Variants in HMBOX1 observed in about 807,000 individuals in gnomAD.
The protein encoded by HMBOX1 is homeobox-containing protein 1.
A neutral mutation model predicts 54.5 loss-of-function variants in HMBOX1; 14 were observed. That is an observed-to-expected ratio of 0.26 (90% CI 0.17 to 0.40). HMBOX1 has a LOEUF of 0.40. HMBOX1 is among the 10% of genes least tolerant of loss of function. The probability of loss-of-function intolerance (pLI) is 1.00; values close to 1 mark genes in which losing one functional copy is unlikely to be tolerated. For missense variants in HMBOX1, 332 were observed against 514.4 expected (o/e 0.65, Z 3.43); for synonymous variants, 160 against 181.0 (o/e 0.88, Z 0.93).
chr8:28,918,878 C>G (rs1398397473), intron 1 of HMBOX1, among the ~76,000 whole-genome samples: 3 of 152,172 alleles, frequency 2.0e-5, no homozygotes, highest in African/African-American at 7.2e-5. Context: ...CACCTGTATT[C>G]AGTGTGTAAA....
At chr8:28,896,359 A>G (rs1024265907) in intron 1 of HMBOX1, among the ~76,000 whole-genome samples, 1 of 152,248 alleles carries the variant, frequency 6.6e-6, no homozygotes, top group Admixed American at 6.5e-5. Flanking sequence ...GTGTGTGTAT[A>G]GTTCTATGCC....
At chr8:29,040,373 A>T (rs1804635554) in intron 6 of HMBOX1, among the ~76,000 whole-genome samples, 1 of 152,192 alleles carries the variant, frequency 6.6e-6, no homozygotes. Context: ...TCTTCTACTT[A>T]TATCAATATT....
chr8:28,994,110 C>T (rs1223945292), intron 4 of HMBOX1, among the ~76,000 whole-genome samples: 2 of 147,862 alleles, frequency 1.4e-5, no homozygotes, highest in South Asian at 2.2e-4. Flanking sequence ...GAGGCTGCAG[C>T]GAGCCAAGAT....
chr8:28,923,474 C>T (rs1817886714), intron 1 of HMBOX1, among the ~76,000 whole-genome samples: 1 of 152,180 alleles, frequency 6.6e-6, no homozygotes, highest in Admixed American at 6.5e-5. Flanking sequence ...ACGAAGTTTA[C>T]ATTTGAACAC....
rs756552129 is a variant in HMBOX1, at chr8:28,970,901, CTT to C, written c.500+383_500+384del. ...TTATCTTGATCAGAATATGTACACT[CTT>C]AATTTTTCTGTTCAACATTCCAATC... is the stretch of plus-strand genomic sequence containing the variant. On this transcript the variant is annotated intron_variant, in intron 3 of 9. Transcript: ENST00000287701. This position sits in a 1 kb window ranked among gnomAD's most constrained non-coding sequence, Gnocchi z 4.3. Among the ~76,000 whole-genome samples, 3 of 151,410 alleles carry C rather than the reference CTT, an allele frequency of 2.0e-5. No homozygotes were observed. Among genetic ancestry groups the C allele is most frequent in the Admixed American group, 1.3e-4 (2 of 15,166 alleles).
In HMBOX1 at chr8:29,009,905, A is replaced by G. The variant is rs1268312002; in HGVS notation, c.697+723A>G. The G allele has an allele frequency of 2.3e-5, 26 of 1,108,172 alleles. No individual in the cohort carries two copies. The South Asian group carries it at 3.8e-4, about 16-fold the overall frequency. The allele number at this position is 1,108,172 out of a possible 1,614,324, so 68.6% of individuals were successfully genotyped here. A position where few individuals can be genotyped will look rare whatever the true frequency, so the allele number is the denominator to read the frequency against. On this transcript the variant is annotated intron_variant, in intron 5 of 9. Coordinates refer to ENST00000287701, the MANE Select transcript of HMBOX1 (RefSeq NM_001135726.3). ...GGCAAGTGACAGTGAGCCTGCCCTCATGTGTAAATTTAAGATTGGGTTGCG... is the reference window on the plus strand; with the variant it reads ...GGCAAGTGACAGTGAGCCTGCCCTCGTGTGTAAATTTAAGATTGGGTTGCG...
intron 1 of HMBOX1, among the ~76,000 whole-genome samples, chr8:28,948,707 AT>A (rs1162213916): frequency 2.0e-5 from 3 of 151,978 alleles, no homozygotes; most frequent in East Asian, 3.8e-4. Flanking sequence ...CTATGATCAG[AT>A]TTTTTTTCAT....
chr8:28,954,238 T>C (rs1824007062), intron 1 of HMBOX1, among the ~76,000 whole-genome samples: 1 of 152,176 alleles, frequency 6.6e-6, no homozygotes, highest in African/African-American at 2.4e-5. Context: ...TTTTTATAGA[T>C]ATTTTAGATG....
At chr8:28,962,511 G>A (rs540181123) in intron 1 of HMBOX1, among the ~76,000 whole-genome samples, 17 of 152,186 alleles carry the variant, frequency 1.1e-4, no homozygotes, top group African/African-American at 4.1e-4. Flanking sequence ...CATGATTACA[G>A]AATAAAGGTC....
At chr8:29,043,240 G>A (rs916988041) in intron 6 of HMBOX1, among the ~76,000 whole-genome samples, 1 of 151,982 alleles carries the variant, frequency 6.6e-6, no homozygotes, top group Non-Finnish European at 1.5e-5. Context: ...GTCCTCAAAA[G>A]CTTTTATCTA....
intron 1 of HMBOX1, among the ~76,000 whole-genome samples, chr8:28,916,583 A>G (rs1816595696): frequency 6.6e-6 from 1 of 152,084 alleles, no homozygotes; most frequent in South Asian, 2.1e-4. Flanking sequence ...TTTCCATTGA[A>G]TTGACTTTAC....
At chr8:28,903,122 CAT>C (rs1000378285) in intron 1 of HMBOX1, among the ~76,000 whole-genome samples, 218 of 152,218 alleles carry the variant, frequency 1.4e-3, no homozygotes, top group African/African-American at 4.7e-3. Flanking sequence ...CACACACACA[CAT>C]ACATTTAAGC....
Position 29,051,887 on chromosome 8 carries a change from C to A in HMBOX1, c.*732C>A, listed in dbSNP as rs1302691265. ...CCATGATTAAAAACAAAGACAAAAA[C>A]CAAAAGTCATTAAAAAAAAAAAAAA... On this transcript the variant is annotated 3_prime_UTR_variant, in exon 10 of 10. Coordinates refer to ENST00000287701, the MANE Select transcript of HMBOX1 (RefSeq NM_001135726.3). The A allele has an allele frequency of 3.7e-5, 7 of 190,396 alleles. No individual in the cohort carries two copies. Among genetic ancestry groups the A allele is most frequent in the African/African-American group, 2.0e-4 (6 of 30,756 alleles). The allele number at this position is 190,396 out of a possible 1,614,324, so 11.8% of individuals were successfully genotyped here.
chr8:29,004,041 G>A (rs577705320), intron 4 of HMBOX1, among the ~76,000 whole-genome samples: 1 of 152,140 alleles, frequency 6.6e-6, no homozygotes, highest in Admixed American at 6.6e-5. Context: ...GAAAGTGATT[G>A]TATTTAGTAA....
chr8:29,049,365 GAAGAA>G (rs1806097582), intron 9 of HMBOX1: 1 of 1,533,080 alleles, frequency 6.5e-7, no homozygotes, highest in Admixed American at 2.0e-5. Context: ...AGAGAAGGTA[GAAGAA>G]GAGAGGAGGA....
chr8:29,025,634 A>G (rs1167533103), intron 6 of HMBOX1, among the ~76,000 whole-genome samples: 1 of 152,206 alleles, frequency 6.6e-6, no homozygotes, highest in African/African-American at 2.4e-5. Flanking sequence ...TTTCTGTGTT[A>G]GAGAGTTCAG....
chr8:29,044,014 G>T (rs186188600), intron 6 of HMBOX1, among the ~76,000 whole-genome samples: 38 of 152,230 alleles, frequency 2.5e-4, no homozygotes, highest in Admixed American at 3.9e-4. Flanking sequence ...GAAGAAAAAG[G>T]TGGTTAGGTG....
At chr8:29,003,479 A>G (rs1370251615) in intron 4 of HMBOX1, among the ~76,000 whole-genome samples, 3 of 94,154 alleles carry the variant, frequency 3.2e-5, no homozygotes, top group Non-Finnish European at 4.2e-5. Context: ...TTTTAAAACA[A>G]CTGGTTGTGT....
intron 1 of HMBOX1, among the ~76,000 whole-genome samples, chr8:28,946,580 A>AT (rs1822506402): frequency 6.8e-6 from 1 of 146,124 alleles, no homozygotes; most frequent in African/African-American, 2.7e-5. Flanking sequence ...AAAAAAAAAA[A>AT]AATATATACA....
Sources: allele counts gnomAD v4.1 joint callset (sites outside exome capture counted in the v4.1 genomes callset), GRCh38; gene constraint gnomAD v4.1.1; non-coding constraint Gnocchi (gnomAD v3.1); transcripts MANE v1.5; gene names NCBI Gene and HGNC (gene_info 2026-07-23, HGNC 2026-07-21).